The following EIF3D variants were observed in gnomAD, a reference collection of about 807,000 sequenced individuals.
The protein encoded by EIF3D is eukaryotic translation initiation factor 3 subunit D.
EIF3D carries 10 observed loss-of-function variants against 75.4 expected under a neutral mutation model. The ratio of observed to expected loss-of-function variants is 0.13; its 90% confidence interval spans 0.08 to 0.22. The LOEUF (loss-of-function observed/expected upper bound fraction) is 0.22, where lower values mean the gene tolerates loss of function less well. Among genes scored for constraint, EIF3D ranks in the 10% least tolerant of loss-of-function variants. The pLI, the probability that EIF3D is intolerant of heterozygous loss-of-function variation, is 1.00. For missense variants in EIF3D, 394 were observed against 708.0 expected (o/e 0.56, Z 5.03); for synonymous variants, 246 against 248.3 (o/e 0.99, Z 0.09).
Position 36,524,685 on chromosome 22 carries a change from G to A in EIF3D, c.217C>T (p.His73Tyr). 1 of 1,614,162 alleles carries A rather than the reference G, an allele frequency of 6.2e-7. No homozygotes were observed. Among genetic ancestry groups the A allele is most frequent in the Non-Finnish European group, 8.5e-7 (1 of 1,180,044 alleles). ...TGGAAGCTACTTTCATCCTCCTCAT[G>A]GAAATAAGCATATTGACTTCCACCA... is the stretch of plus-strand genomic sequence containing the variant. ...FGGGSQYAYF[H>Y]EEDESSFQLV... is the part of the protein sequence containing the mutation. Residue 73 changes from histidine (H) to tyrosine (Y), a missense_variant, in exon 4 of 15, where the codon CAT (histidine) becomes TAT (tyrosine). By Grantham distance (83) the His-to-Tyr change is moderately conservative. Transcript: ENST00000216190.
chr22:36,517,400 C>T lies in EIF3D; in HGVS notation c.891G>A (p.Glu297=), dbSNP rs1220668452. The change falls in exon 10 of 15, where the codon GAG becomes GAA. Residue 297 remains glutamate (E), a synonymous_variant. Transcript: ENST00000216190. The part of the protein sequence containing the change: ...DLLTVSETAN[E]PPQDEGNSFN... ...AGGAATTACCTTCATCTTGAGGGGG[C>T]TCATTGGCAGTCTCACTCACTGTCA... 6.2e-7 allele frequency: 1 copy of T among 1,613,320 alleles called. No homozygotes were observed. Among genetic ancestry groups the T allele is most frequent in the Admixed American group, 1.7e-5 (1 of 59,820 alleles).
intron 9 of EIF3D, among the ~76,000 whole-genome samples, 187 bp downstream of exon 9, chr22:36,518,576 C>T (rs896046868): frequency 2.0e-5 from 3 of 151,942 alleles, no homozygotes; most frequent in African/African-American, 7.3e-5. Flanking sequence ...GCTGAGGCCT[C>T]AAGCAGGTAC....
chr22:36,522,145 G>T (rs1379112495), intron 6 of EIF3D, among the ~76,000 whole-genome samples: 1 of 152,148 alleles, frequency 6.6e-6, no homozygotes, highest in Non-Finnish European at 1.5e-5. Context: ...CTTGAGCTCA[G>T]GAGTTTGAGA....
At chr22:36,511,148 G>C in intron 14 of EIF3D, 148 bp from the exon 15 acceptor site, 3 of 1,031,638 alleles carry the variant, frequency 2.9e-6, no homozygotes, top group Non-Finnish European at 4.1e-6. Flanking sequence ...GGGCTGGGCA[G>C]GTATTTCCTT....
rs1934320842 is a variant in EIF3D, at chr22:36,510,866, CAG to C, written c.*119_*120del. Reference sequence around the variant, plus strand: ...GGCAGACGATGAGGGAAAGACTAAACAGATATATATTTTATTTCATCTGCTAA... The same window carrying C: ...GGCAGACGATGAGGGAAAGACTAAACATATATATTTTATTTCATCTGCTAA... On this transcript the variant is annotated 3_prime_UTR_variant, in exon 15 of 15. Transcript: ENST00000216190. 2.5e-6 allele frequency: 3 copies of C among 1,207,838 alleles called. No individual in the cohort carries two copies. Among genetic ancestry groups the C allele is most frequent in the Non-Finnish European group, 2.3e-6 (2 of 884,102 alleles). 74.8% of individuals were successfully genotyped at this position (1,207,838 alleles called of 1,614,324 possible). A position where few individuals can be genotyped will look rare whatever the true frequency, so the allele number is the denominator to read the frequency against.
chr22:36,524,791 C>T, intron 3 of EIF3D, 59 bp from the exon 4 acceptor site: 3 of 1,609,990 alleles, frequency 1.9e-6, no homozygotes, highest in Non-Finnish European at 2.5e-6. Context: ...CAGATATGCA[C>T]CAGTCTAAAG....
chr22:36,525,782 A>G (rs919453778), intron 2 of EIF3D, 73 bp from the exon 3 acceptor site: 1 of 1,575,384 alleles, frequency 6.3e-7, no homozygotes, highest in African/African-American at 1.4e-5. Context: ...GAAATCCCTG[A>G]GCGCGAGAGG....
At chr22:36,523,045 G>T (rs777749868) in intron 6 of EIF3D, 164 bp downstream of exon 6, 2 of 620,558 alleles carry the variant, frequency 3.2e-6, no homozygotes, top group Non-Finnish European at 3.0e-6. Flanking sequence ...TCTTTTGAGG[G>T]TGATGAAAAT....
intron 6 of EIF3D, among the ~76,000 whole-genome samples, chr22:36,521,967 CCAA>C (rs1227756162): frequency 1.3e-5 from 2 of 151,894 alleles, no homozygotes; most frequent in African/African-American, 4.8e-5. Flanking sequence ...ACCAAAAAAA[CCAA>C]CAACAGATGA....
rs1223218715 is a variant in EIF3D, at chr22:36,512,389, G to A, written c.1349+71C>T. ...TCAATTGTCCAGTACACGGGGAGGGGAGGGTCAACCTCCCTACCCAGACCC... is the reference window on the plus strand; with the variant it reads ...TCAATTGTCCAGTACACGGGGAGGGAAGGGTCAACCTCCCTACCCAGACCC... On this transcript the variant is annotated intron_variant, in intron 13 of 14. Transcript: ENST00000216190. The A allele has an allele frequency of 3.8e-6, 6 of 1,575,952 alleles. No individual in the cohort carries two copies. The East Asian group carries it at 1.1e-4, about 30-fold the overall frequency.
At position 36,520,644 on chromosome 22, in the gene EIF3D, C is replaced by T. The variant is rs1934498042; in HGVS notation, c.510G>A (p.Val170=). Residue 170 remains valine, a synonymous_variant, in exon 7 of 15, where the codon GTG becomes GTA. Coordinates refer to ENST00000216190, the MANE Select transcript of EIF3D (RefSeq NM_003753.4). ...ACTGAGGAAAATCCATTTCCTCTTTCACTTCCCAATCACTACGAACTTCAA... is the reference window on the plus strand; with the variant it reads ...ACTGAGGAAAATCCATTTCCTCTTTTACTTCCCAATCACTACGAACTTCAA... ...SSVEVRSDWE[V]KEEMDFPQLM... 7 of 1,613,524 alleles carry T rather than the reference C, an allele frequency of 4.3e-6. No homozygotes were observed. Among genetic ancestry groups the T allele is most frequent in the Non-Finnish European group, 5.9e-6 (7 of 1,179,532 alleles).
In EIF3D at chr22:36,525,992, C is replaced by T. The variant is rs1447236900; in HGVS notation, c.123+7G>A. 8 of 1,607,674 alleles carry T rather than the reference C, an allele frequency of 5.0e-6. No individual in the cohort carries two copies. Among genetic ancestry groups the T allele is most frequent in the African/African-American group, 1.3e-5 (1 of 74,616 alleles). Reference sequence around the variant, plus strand: ...AAAGATTCAGACTCCTGCTGACAGGCATGTACCTTTCCTAGCCGATCTCCT... The same window carrying T: ...AAAGATTCAGACTCCTGCTGACAGGTATGTACCTTTCCTAGCCGATCTCCT... On this transcript the variant is annotated splice_region_variant and intron_variant, in intron 2 of 14. Transcript: ENST00000216190.
intron 14 of EIF3D, 194 bp from the exon 15 acceptor site, chr22:36,511,194 C>A: frequency 1.2e-6 from 1 of 832,286 alleles, no homozygotes. Flanking sequence ...AGACAACTTT[C>A]AGGCTATTTA....
chr22:36,525,497 T>C (rs568030325), intron 3 of EIF3D, among the ~76,000 whole-genome samples, 167 bp downstream of exon 3: 1 of 152,320 alleles, frequency 6.6e-6, no homozygotes, highest in South Asian at 2.1e-4. Flanking sequence ...TTGAGGGCTA[T>C]TTCCAAAAAT....
intron 9 of EIF3D, 99 bp downstream of exon 9, chr22:36,518,664 G>C: frequency 6.8e-7 from 1 of 1,479,514 alleles, no homozygotes; most frequent in South Asian, 1.2e-5. Flanking sequence ...CCCTTGGGAA[G>C]ACAGACCACT....
chr22:36,527,977 T>C (rs560583589), intron 1 of EIF3D, among the ~76,000 whole-genome samples: 2 of 152,342 alleles, frequency 1.3e-5, no homozygotes, highest in South Asian at 4.1e-4. Flanking sequence ...TTCATCTTTC[T>C]AATAGAAACT....
At chr22:36,526,455 G>C (rs1934601957) in intron 1 of EIF3D, among the ~76,000 whole-genome samples, 1 of 151,988 alleles carries the variant, frequency 6.6e-6, no homozygotes, top group Non-Finnish European at 1.5e-5. Context: ...TTCTTTTTCT[G>C]TGTTACATAA....
chr22:36,514,788 T>C (rs1603498763), intron 12 of EIF3D, among the ~76,000 whole-genome samples: 1 of 152,306 alleles, frequency 6.6e-6, no homozygotes, highest in South Asian at 2.1e-4. Flanking sequence ...GTTCTATTTC[T>C]ATTGACACCA....
intron 12 of EIF3D, 160 bp from the exon 13 acceptor site, chr22:36,512,762 C>A (rs1934360392): frequency 7.9e-6 from 6 of 756,642 alleles, no homozygotes; most frequent in South Asian, 7.7e-5. Context: ...TAGTCCCTTC[C>A]CTTGCACAGC....
Sources: allele counts gnomAD v4.1 joint callset (sites outside exome capture counted in the v4.1 genomes callset), GRCh38; gene constraint gnomAD v4.1.1; transcripts MANE v1.5; gene names NCBI Gene and HGNC (gene_info 2026-07-23, HGNC 2026-07-21).